Variants in PARD3 observed in about 807,000 individuals in gnomAD.
PARD3 encodes the protein par-3 family cell polarity regulator, also known as partitioning defective 3 homolog.
Under a neutral mutation model 155.4 loss-of-function variants are expected in PARD3, and 75 were observed. The observed-to-expected ratio is 0.48, with a 90% CI of 0.40 to 0.58. PARD3 has a LOEUF of 0.58. Among genes scored for constraint, PARD3 ranks in the 20% least tolerant of loss-of-function variants. PARD3 has a pLI of 0.00. For missense variants in PARD3, 1,642 were observed against 1,721.7 expected (o/e 0.95, Z 0.82); for synonymous variants, 576 against 610.5 (o/e 0.94, Z 0.83).
In PARD3 at chr10:34,705,904, A is replaced by G. The variant is rs545380577; in HGVS notation, c.121-9485T>C. ...AACCTCAAGGAAATAAGTTTCTGGC[A>G]TTTAGTCTTATTAGAACTAGCACAT... On this transcript the variant is annotated intron_variant, in intron 1 of 24. Transcript: ENST00000374788. Among the ~76,000 whole-genome samples the G allele has an allele frequency of 3.3e-5, 5 of 152,342 alleles. No homozygotes were observed. The East Asian group carries it at 7.7e-4, about 24-fold the overall frequency.
rs145999772 is a variant in PARD3, at chr10:34,568,388, TTC to T, written c.223-51231_223-51230del. The stretch of plus-strand genomic sequence containing the variant: ...CTTAATTCATTAGGATTTTAAATAC[TTC>T]TGTTTTGAATCAAAATCTTGCTCGT... On this transcript the variant is annotated intron_variant, in intron 2 of 24. Coordinates refer to ENST00000374788, the MANE Select transcript of PARD3 (RefSeq NM_001184785.2). 7.6e-3 allele frequency among the ~76,000 whole-genome samples: 1,164 copies of T among 152,328 alleles called. 16 individuals are homozygous for T. The highest frequency in any genetic ancestry group is 0.027 in the African/African-American group (1,122 of 41,560).
At chr10:34,604,481 C>T (rs113907122) in intron 2 of PARD3, among the ~76,000 whole-genome samples, 3 of 151,810 alleles carry the variant, frequency 2.0e-5, no homozygotes, top group Admixed American at 6.6e-5. Context: ...CGTTTTGGGA[C>T]TCTGGCTCTC....
At chr10:34,302,245 A>C (rs2134028209) in intron 20 of PARD3, among the ~76,000 whole-genome samples, 1 of 152,292 alleles carries the variant, frequency 6.6e-6, no homozygotes, top group Admixed American at 6.5e-5. Flanking sequence ...AAATTGATTT[A>C]GTGGCACTTA....
intron 2 of PARD3, among the ~76,000 whole-genome samples, chr10:34,587,255 T>C (rs962908264): frequency 9.9e-5 from 15 of 152,248 alleles, no homozygotes; most frequent in Middle Eastern, 3.4e-3. Context: ...CCTGTGTGGC[T>C]GGGATTACAG....
chr10:34,435,079 C>T (rs1268564564), intron 5 of PARD3, among the ~76,000 whole-genome samples: 2 of 152,164 alleles, frequency 1.3e-5, no homozygotes, highest in African/African-American at 4.8e-5. Flanking sequence ...TAAACACTTA[C>T]ATGCAATTTC....
intron 3 of PARD3, among the ~76,000 whole-genome samples, chr10:34,479,190 C>T (rs1329736071): frequency 2.2e-5 from 3 of 138,346 alleles, no homozygotes; most frequent in Admixed American, 7.6e-5. Flanking sequence ...GAGACAGAGT[C>T]TCGCCCTGTC....
At chr10:34,142,023 C>T (rs556646089) in intron 22 of PARD3, among the ~76,000 whole-genome samples, 2 of 152,196 alleles carry the variant, frequency 1.3e-5, no homozygotes, top group South Asian at 4.2e-4. Context: ...AAACCATATT[C>T]GAATAAGAGT....
chr10:34,448,501 CT>C (rs1265091146), intron 5 of PARD3, among the ~76,000 whole-genome samples: 1 of 152,120 alleles, frequency 6.6e-6, no homozygotes, highest in Non-Finnish European at 1.5e-5. Context: ...ATATTTTATA[CT>C]TGAAATTTGC....
intron 2 of PARD3, among the ~76,000 whole-genome samples, chr10:34,665,906 A>AGAACAGAACAGAACAGAACAAAAAG (rs1554804216): frequency 6.8e-6 from 1 of 147,138 alleles, no homozygotes; most frequent in Non-Finnish European, 1.5e-5. Context: ...AGAACAGAAC[A>AGAACAGAACAGAACAGAACAAAAAG]AAAAGAAAAG....
chr10:34,457,799 C>T (rs544745266), intron 4 of PARD3, among the ~76,000 whole-genome samples: 1 of 152,238 alleles, frequency 6.6e-6, no homozygotes, highest in East Asian at 1.9e-4. Flanking sequence ...CAAAGTCTCA[C>T]TATATTGCCG....
rs148448752 is a variant in PARD3 at position 34,284,143 on chromosome 10, C to T, written c.3168G>A (p.Glu1056=). 2.5e-6 allele frequency: 4 copies of T among 1,584,446 alleles called. No individual in the cohort carries two copies. The highest frequency in any genetic ancestry group is 3.5e-6 in the Non-Finnish European group (4 of 1,158,658). ...AAGTAACTGAAGTCTACCTCTCCTG[C>T]TCCTGCTTCATTCGTATCCTCTCCT... ...SEEERIRMKQ[E]QERIQAKTRE... The change falls in exon 21 of 25, where the codon GAG becomes GAA. Residue 1056 remains glutamate, a synonymous_variant. Transcript: ENST00000374788.
chr10:34,814,834 C>CCCG (rs1023577593), intron 1 of PARD3, 42 bp downstream of exon 1: 4 of 1,178,796 alleles, frequency 3.4e-6, no homozygotes, highest in African/African-American at 3.2e-5. Flanking sequence ...CGGCGCCGTC[C>CCCG]CCGCCGCCGC....
chr10:34,800,993 C>G (rs1032373014), intron 1 of PARD3, among the ~76,000 whole-genome samples: 2 of 152,154 alleles, frequency 1.3e-5, no homozygotes, highest in Admixed American at 1.3e-4. Flanking sequence ...TAAAATCCCC[C>G]CTATCAAAAC....
At chr10:34,131,416 AG>A (rs1947605638) in intron 23 of PARD3, 46 bp downstream of exon 23, 1 of 1,611,082 alleles carries the variant, frequency 6.2e-7, no homozygotes, top group Middle Eastern at 1.7e-4. Flanking sequence ...CCTTTGCTGC[AG>A]GGAAGTTGTA....
At chr10:34,179,167 C>T (rs571314634) in intron 22 of PARD3, among the ~76,000 whole-genome samples, 10 of 65,810 alleles carry the variant, frequency 1.5e-4, no homozygotes, top group South Asian at 6.8e-4. Context: ...TGTGCGTGCG[C>T]GCACACACAC....
At chr10:34,315,924 C>T (rs1957977483) in intron 20 of PARD3, among the ~76,000 whole-genome samples, 1 of 152,160 alleles carries the variant, frequency 6.6e-6, no homozygotes, top group Admixed American at 6.5e-5. Context: ...AGAGTTAACT[C>T]TCCTTCTTCT....
chr10:34,331,589 A>T (rs966767008), intron 18 of PARD3, among the ~76,000 whole-genome samples: 10 of 152,066 alleles, frequency 6.6e-5, no homozygotes, highest in Admixed American at 2.0e-4. Context: ...ATTACTTTTT[A>T]AAAAAAATTT....
intron 22 of PARD3, among the ~76,000 whole-genome samples, chr10:34,147,108 CTT>C (rs1948548003): frequency 6.8e-6 from 1 of 147,850 alleles, no homozygotes; most frequent in Non-Finnish European, 1.5e-5. Context: ...AAAAAAAAAA[CTT>C]TTGAGATTTT....
intron 5 of PARD3, among the ~76,000 whole-genome samples, chr10:34,449,023 A>G (rs1387279036): frequency 6.8e-6 from 1 of 146,836 alleles, no homozygotes; most frequent in Non-Finnish European, 1.5e-5. Flanking sequence ...GGTTCACGCC[A>G]TTCTCCTGCC....
Sources: allele counts gnomAD v4.1 joint callset (sites outside exome capture counted in the v4.1 genomes callset), GRCh38; gene constraint gnomAD v4.1.1; transcripts MANE v1.5; gene names NCBI Gene and HGNC (gene_info 2026-07-23, HGNC 2026-07-21).